NELL1: variants seen among roughly 807,000 people sequenced by gnomAD.
The protein encoded by NELL1 is neural EGFL like 1.
Under a neutral mutation model 107.4 loss-of-function variants are expected in NELL1, and 76 were observed. The ratio of observed to expected loss-of-function variants is 0.71; its 90% CI spans 0.59 to 0.86. The LOEUF is 0.86. Among genes scored for constraint, NELL1 ranks in the 40% least tolerant of loss-of-function variants. The probability of loss-of-function intolerance (pLI) is 0.00; values close to 1 mark genes in which losing one functional copy is unlikely to be tolerated. For missense variants in NELL1, 1,024 were observed against 1,005.5 expected (o/e 1.02, Z -0.25); for synonymous variants, 353 against 341.2 (o/e 1.03, Z -0.38).
At chr11:20,791,729 GGTTTT>G in intron 3 of NELL1, among the ~76,000 whole-genome samples, 1 of 23,046 alleles carries the variant, frequency 4.3e-5, no homozygotes. Context: ...CCAGTCTGGA[GGTTTT>G]TTTTTTTTTT....
At chr11:20,693,884 C>A (rs945468707) in intron 2 of NELL1, among the ~76,000 whole-genome samples, 2 of 152,142 alleles carry the variant, frequency 1.3e-5, no homozygotes, top group Non-Finnish European at 2.9e-5. Flanking sequence ...AGAGTGTTTT[C>A]CAACTTGGTT....
intron 12 of NELL1, among the ~76,000 whole-genome samples, chr11:20,981,612 A>C (rs1340624945): frequency 1.3e-5 from 2 of 152,216 alleles, no homozygotes; most frequent in African/African-American, 4.8e-5. Context: ...GTTTGCAAAA[A>C]TCATTAGATC....
At chr11:20,863,281 C>G (rs1276830440) in intron 4 of NELL1, among the ~76,000 whole-genome samples, 2 of 144,906 alleles carry the variant, frequency 1.4e-5, no homozygotes, top group Non-Finnish European at 3.0e-5. Context: ...GCTGACCCCC[C>G]ACCTCCCTCC....
chr11:21,362,862 AGT>A (rs1306435655), intron 14 of NELL1, among the ~76,000 whole-genome samples: 1 of 145,432 alleles, frequency 6.9e-6, no homozygotes, highest in African/African-American at 2.5e-5. Flanking sequence ...CTGCAGCCAC[AGT>A]GGAGAATGGG....
rs76911510 is a variant in NELL1 at position 21,418,699 on chromosome 11, T to C, written c.1645+47751T>C. On this transcript the variant is annotated intron_variant, in intron 15 of 19. Coordinates refer to ENST00000357134, the MANE Select transcript of NELL1 (RefSeq NM_006157.5). ...ATAACATCAAGCTTGCCTAATGACTTGCTTTGGCCAATAAAATATAAGTAG... is the reference window on the plus strand; with the variant it reads ...ATAACATCAAGCTTGCCTAATGACTCGCTTTGGCCAATAAAATATAAGTAG... Among the ~76,000 whole-genome samples the C allele has an allele frequency of 5.0e-3, 758 of 152,256 alleles. 6 individuals carry two copies. The highest frequency in any genetic ancestry group is 0.017 in the African/African-American group (727 of 41,582).
rs567980666 is a variant in NELL1 at position 20,795,812 on chromosome 11, A to G, written c.335+11982A>G. Among the ~76,000 whole-genome samples the G allele has an allele frequency of 8.5e-5, 13 of 152,254 alleles. No homozygotes were observed. In the South Asian group the frequency reaches 2.5e-3, roughly 29 times the overall value. On this transcript the variant is annotated intron_variant, in intron 3 of 19. Transcript: ENST00000357134. ...TTTTTAAACAAAATTTTTGTTTTTC[A>G]AAAGATACTCTTCAGTTTTCTGAGC...
intron 15 of NELL1, among the ~76,000 whole-genome samples, chr11:21,507,293 G>T (rs539050898): frequency 6.6e-6 from 1 of 152,202 alleles, no homozygotes; most frequent in East Asian, 1.9e-4. Context: ...TTTGTGACCT[G>T]GAAGAACCTA....
chr11:20,692,001 G>T (rs1460787726), intron 2 of NELL1, among the ~76,000 whole-genome samples: 5 of 151,938 alleles, frequency 3.3e-5, no homozygotes, highest in Non-Finnish European at 7.4e-5. Context: ...CTTCTTCCTG[G>T]TTTAGTCTTG....
At chr11:21,500,825 T>G (rs960773794) in intron 15 of NELL1, among the ~76,000 whole-genome samples, 1 of 152,146 alleles carries the variant, frequency 6.6e-6, no homozygotes, top group Admixed American at 6.5e-5. Context: ...AATAAGTCAT[T>G]GTTTTCTCCA....
At chr11:21,380,310 G>A (rs2133767366) in intron 15 of NELL1, among the ~76,000 whole-genome samples, 1 of 152,190 alleles carries the variant, frequency 6.6e-6, no homozygotes, top group East Asian at 1.9e-4. Context: ...CTAGTAAAAG[G>A]AGGGTTGCAA....
At chr11:21,269,061 A>T (rs1848689669) in intron 14 of NELL1, among the ~76,000 whole-genome samples, 1 of 152,106 alleles carries the variant, frequency 6.6e-6, no homozygotes, top group Admixed American at 6.6e-5. Flanking sequence ...GAGGAAAAAA[A>T]ATCTCTGAGC....
chr11:21,424,977 A>C (rs1022900016), intron 15 of NELL1, among the ~76,000 whole-genome samples: 3 of 152,172 alleles, frequency 2.0e-5, no homozygotes, highest in African/African-American at 4.8e-5. Flanking sequence ...AGACCAAGCC[A>C]TTACAAGACA....
intron 15 of NELL1, among the ~76,000 whole-genome samples, chr11:21,416,124 G>GTT (rs1030601100): frequency 1.3e-5 from 2 of 152,048 alleles, no homozygotes; most frequent in African/African-American, 4.8e-5. Context: ...TACATAAGGT[G>GTT]TTTTCAAGTG....
At chr11:21,550,632 T>C (rs1406169634) in intron 16 of NELL1, among the ~76,000 whole-genome samples, 4 of 152,096 alleles carry the variant, frequency 2.6e-5, no homozygotes, top group Non-Finnish European at 5.9e-5. Context: ...CTTAGGTTTG[T>C]CAAAGATCAG....
intron 15 of NELL1, among the ~76,000 whole-genome samples, chr11:21,489,350 G>A (rs907283379): frequency 7.5e-5 from 7 of 92,906 alleles, no homozygotes; most frequent in African/African-American, 8.3e-5. Flanking sequence ...AATGTGTAGA[G>A]AACTAACACC....
chr11:21,559,614 A>C (rs1203275689), intron 16 of NELL1, among the ~76,000 whole-genome samples: 3 of 152,148 alleles, frequency 2.0e-5, no homozygotes, highest in Non-Finnish European at 4.4e-5. Context: ...GACTTTGACT[A>C]TAAAAGACAC....
chr11:20,845,517 T>TATCTCTCACA (rs78439727), intron 3 of NELL1, among the ~76,000 whole-genome samples: 335 of 152,330 alleles, frequency 2.2e-3, no homozygotes, highest in Non-Finnish European at 3.5e-3. Context: ...CAAAGTAAAG[T>TATCTCTCACA]AATTGAGAGA....
chr11:21,327,352 AAT>A lies in NELL1; in HGVS notation c.1550-43500_1550-43499del, dbSNP rs201898165. Among the ~76,000 whole-genome samples, 24 of 152,158 alleles carry A rather than the reference AAT, an allele frequency of 1.6e-4. No individual in the cohort carries two copies. The East Asian group carries it at 2.1e-3, about 13-fold the overall frequency. ...CTAAAACTTAAAGTATAAAAAAAAA[AAT>A]CTGATGGTTTTATAAGGGGCTTTTC... On this transcript the variant is annotated intron_variant, in intron 14 of 19. Transcript: ENST00000357134.
intron 9 of NELL1, among the ~76,000 whole-genome samples, chr11:20,932,545 G>A (rs764705928): frequency 6.6e-6 from 1 of 152,162 alleles, no homozygotes; most frequent in Non-Finnish European, 1.5e-5. Context: ...CAGTTCTGGG[G>A]GCAACAGTGG....
Sources: allele counts gnomAD v4.1 joint callset (sites outside exome capture counted in the v4.1 genomes callset), GRCh38; gene constraint gnomAD v4.1.1; transcripts MANE v1.5; gene names NCBI Gene and HGNC (gene_info 2026-07-23, HGNC 2026-07-21).